Variants in PCDH7 observed in about 807,000 individuals in gnomAD.
PCDH7 encodes the protein protocadherin-7.
PCDH7 carries 17 observed loss-of-function variants against 58.9 expected under a neutral mutation model. The ratio of observed to expected loss-of-function variants is 0.29; its 90% CI spans 0.20 to 0.43. PCDH7 has a LOEUF of 0.43. PCDH7 is among the 20% of genes least tolerant of loss of function. PCDH7 has a pLI of 1.00. For synonymous variants in PCDH7, 664 were observed against 616.4 expected (o/e 1.08, Z -1.14); for missense variants, 1,274 against 1,441.0 (o/e 0.88, Z 1.88).
intron 1 of PCDH7, among the ~76,000 whole-genome samples, chr4:30,915,292 C>A (rs1742297616): frequency 6.6e-6 from 1 of 152,156 alleles, no homozygotes; most frequent in Non-Finnish European, 1.5e-5. Flanking sequence ...CATTGATTGA[C>A]AAGCCAATCT....
At chr4:31,052,513 AATATGTCCTTTTCTTTAAGGAC>A (rs1373504585) in intron 3 of PCDH7, among the ~76,000 whole-genome samples, 2 of 152,156 alleles carry the variant, frequency 1.3e-5, no homozygotes, top group African/African-American at 4.8e-5. Flanking sequence ...AAAGATTTAA[AATATGTCCTTTTCTTTAAGGAC>A]ATAGAGTCCC....
At chr4:31,117,852 A>G (rs2109319643) in intron 3 of PCDH7, among the ~76,000 whole-genome samples, 1 of 152,326 alleles carries the variant, frequency 6.6e-6, no homozygotes, top group East Asian at 1.9e-4. Flanking sequence ...GAATTCTGTC[A>G]TGAAGGTAGG....
At chr4:31,077,120 A>T (rs917685475) in intron 3 of PCDH7, among the ~76,000 whole-genome samples, 1 of 152,170 alleles carries the variant, frequency 6.6e-6, no homozygotes, top group Non-Finnish European at 1.5e-5. Context: ...ATGCATATTT[A>T]AAAAATCAGG....
At position 31,083,086 on chromosome 4, in the gene PCDH7, C is replaced by T. The variant is rs1047981285; in HGVS notation, c.*8-59387C>T. Reference sequence around the variant, plus strand: ...TTGCGCCACTGCACTCCAGCCTGGGCGACAGAGCAAGACTCCATCTCAAAA... The same window carrying T: ...TTGCGCCACTGCACTCCAGCCTGGGTGACAGAGCAAGACTCCATCTCAAAA... On this transcript the variant is annotated intron_variant, in intron 3 of 3. Transcript: ENST00000509759. 5.3e-5 allele frequency among the ~76,000 whole-genome samples: 8 copies of T among 151,858 alleles called. No homozygotes were observed. The South Asian group carries it at 6.2e-4, about 12-fold the overall frequency.
chr4:31,082,504 T>C (rs1711625421), intron 3 of PCDH7, among the ~76,000 whole-genome samples: 1 of 152,044 alleles, frequency 6.6e-6, no homozygotes, highest in South Asian at 2.1e-4. Flanking sequence ...CAGCCAAAAG[T>C]TTGGATGTCA....
At chr4:30,962,805 A>G (rs1013499887) in intron 3 of PCDH7, among the ~76,000 whole-genome samples, 16 of 141,802 alleles carry the variant, frequency 1.1e-4, no homozygotes, top group Middle Eastern at 3.8e-3. Context: ...AAAAAAAAAA[A>G]CAGTGGTAAT....
chr4:31,111,338 C>T (rs560892025), intron 3 of PCDH7, among the ~76,000 whole-genome samples: 3 of 148,868 alleles, frequency 2.0e-5, no homozygotes, highest in Non-Finnish European at 4.4e-5. Context: ...GGCGGAGTCT[C>T]GCTCTGTCGC....
intron 3 of PCDH7, among the ~76,000 whole-genome samples, chr4:31,014,839 C>T (rs1753483013): frequency 6.6e-6 from 1 of 152,082 alleles, no homozygotes; most frequent in Non-Finnish European, 1.5e-5. Context: ...CACTTTCTCT[C>T]ACTTGATTTT....
At chr4:30,927,391 A>G (rs1409867271) in intron 2 of PCDH7, among the ~76,000 whole-genome samples, 1 of 151,920 alleles carries the variant, frequency 6.6e-6, no homozygotes, top group East Asian at 1.9e-4. Context: ...CCATGATGAC[A>G]ATGGCGGTTT....
At chr4:31,138,026 A>G (rs1477635469) in intron 3 of PCDH7, among the ~76,000 whole-genome samples, 1 of 152,134 alleles carries the variant, frequency 6.6e-6, no homozygotes, top group South Asian at 2.1e-4. Context: ...TCAAGTCTTA[A>G]TGAGTCTACT....
chr4:30,935,349 GT>G lies in PCDH7; in HGVS notation c.288-14770del, dbSNP rs1351196326. On this transcript the variant is annotated intron_variant, in intron 2 of 3. Coordinates refer to the PCDH7 transcript ENST00000509759. ...GCCTCATATTTAGCTGTAAAGGTAA[GT>G]AGTTTCTTGGCACCTTTTGAATTCG... The G allele has an allele frequency of 5.1e-6, 5 of 982,966 alleles. No homozygotes were observed. The East Asian group carries it at 5.7e-4, about 112-fold the overall frequency. The allele number at this position is 982,966 out of a possible 1,614,324, so 60.9% of individuals were successfully genotyped here.
At chr4:30,767,678 C>G (rs1197826406) in intron 1 of PCDH7, among the ~76,000 whole-genome samples, 1 of 152,064 alleles carries the variant, frequency 6.6e-6, no homozygotes, top group Non-Finnish European at 1.5e-5. Flanking sequence ...TCTTAGTCTC[C>G]CAGAGGTACT....
Position 31,124,382 on chromosome 4 carries a change from G to A in PCDH7, c.*8-18091G>A, listed in dbSNP as rs147534225. On this transcript the variant is annotated intron_variant, in intron 3 of 3. Transcript: ENST00000509759. ...CATAGTTGATAAGTGGCAGAATGTG[G>A]ACTCAAAGCAGACTTCCTTTGTTCA... Among the ~76,000 whole-genome samples, 4 of 152,300 alleles carry A rather than the reference G, an allele frequency of 2.6e-5. No homozygotes were observed. The East Asian group carries it at 7.7e-4, about 29-fold the overall frequency.
intron 1 of PCDH7, among the ~76,000 whole-genome samples, chr4:30,726,950 A>G (rs1714694618): frequency 6.6e-6 from 1 of 151,802 alleles, no homozygotes; most frequent in East Asian, 1.9e-4. Context: ...ACAATTTCCT[A>G]TTTTTATTTT....
intron 3 of PCDH7, among the ~76,000 whole-genome samples, chr4:31,052,268 T>A (rs1756815058): frequency 6.6e-6 from 1 of 152,136 alleles, no homozygotes; most frequent in Non-Finnish European, 1.5e-5. Context: ...TTTGAGTCTT[T>A]GCAAAACTGA....
At chr4:31,108,021 A>C (rs1715796387) in intron 3 of PCDH7, among the ~76,000 whole-genome samples, 1 of 152,198 alleles carries the variant, frequency 6.6e-6, no homozygotes, top group Non-Finnish European at 1.5e-5. Flanking sequence ...CATACAAAGT[A>C]TAGTACTTCT....
chr4:31,089,083 C>T (rs1268070396), intron 3 of PCDH7, among the ~76,000 whole-genome samples: 1 of 151,908 alleles, frequency 6.6e-6, no homozygotes, highest in Non-Finnish European at 1.5e-5. Context: ...CTAAGAGCAC[C>T]ACTTGTTTGC....
intron 3 of PCDH7, among the ~76,000 whole-genome samples, chr4:31,105,910 G>A (rs1396801497): frequency 1.3e-5 from 2 of 151,878 alleles, no homozygotes; most frequent in East Asian, 1.9e-4. Context: ...GGGACGCTGA[G>A]GCAGGAGAAT....
intron 3 of PCDH7, among the ~76,000 whole-genome samples, chr4:31,054,920 C>A (rs1368055177): frequency 2.0e-5 from 3 of 152,082 alleles, no homozygotes; most frequent in African/African-American, 7.2e-5. Context: ...TATCAACCTG[C>A]CATAATTTTA....
Sources: gnomAD v4.1 joint callset for allele counts (sites outside exome capture counted in the v4.1 genomes callset) on GRCh38, gnomAD v4.1.1 for gene constraint, MANE v1.5 for transcripts, NCBI Gene and HGNC (gene_info 2026-07-23, HGNC 2026-07-21) for gene names.